The following RPH3AL variants were observed in gnomAD, a reference collection of about 807,000 sequenced individuals.
The protein encoded by RPH3AL is rab effector Noc2.
In RPH3AL, 38 loss-of-function variants were observed where a neutral mutation model predicts 43.1. That is an observed-to-expected ratio of 0.88 (90% CI 0.68 to 1.15). The LOEUF (loss-of-function observed/expected upper bound fraction) is 1.15. RPH3AL is among the 50% of genes most tolerant of loss of function. The pLI, the probability that RPH3AL is intolerant of heterozygous loss-of-function variation, is 0.00. For missense variants in RPH3AL, 462 were observed against 423.2 expected, an observed-to-expected ratio of 1.09 and a Z score of -0.81; for synonymous variants, 189 against 176.3, an observed-to-expected ratio of 1.07 and a Z score of -0.57.
chr17:216,308 C>T (rs1028582971), intron 8 of RPH3AL, among the ~76,000 whole-genome samples: 1 of 152,188 alleles, frequency 6.6e-6, no homozygotes, highest in African/African-American at 2.4e-5. Context: ...GGTCCAAGAA[C>T]GGGCCTGCAG....
chr17:284,778 G>C (rs1235429582), intron 5 of RPH3AL, among the ~76,000 whole-genome samples: 1 of 152,190 alleles, frequency 6.6e-6, no homozygotes, highest in Admixed American at 6.5e-5. Flanking sequence ...AAATACCATA[G>C]ACTGAGTGGC....
At chr17:311,446 T>C (rs2043644386) in intron 5 of RPH3AL, among the ~76,000 whole-genome samples, 1 of 152,042 alleles carries the variant, frequency 6.6e-6, no homozygotes. Context: ...CTGCCCAGCC[T>C]CCAGGGGCCC....
intron 5 of RPH3AL, among the ~76,000 whole-genome samples, chr17:311,758 G>C (rs1407511426): frequency 2.0e-5 from 3 of 152,164 alleles, no homozygotes; most frequent in African/African-American, 7.2e-5. Context: ...GAGCTACAAA[G>C]GCTTCCAGAG....
chr17:275,884 A>G (rs551570101), intron 6 of RPH3AL, among the ~76,000 whole-genome samples: 34 of 152,310 alleles, frequency 2.2e-4, no homozygotes, highest in African/African-American at 7.5e-4. Flanking sequence ...TTGAACACAC[A>G]TCACAGTTTA....
chr17:286,050 T>A (rs1304319159), intron 5 of RPH3AL, among the ~76,000 whole-genome samples: 1 of 152,034 alleles, frequency 6.6e-6, no homozygotes, highest in Non-Finnish European at 1.5e-5. Context: ...CCGCCACTGC[T>A]GGGGGGGTGC....
At chr17:317,011 T>A (rs1433009910) in intron 5 of RPH3AL, among the ~76,000 whole-genome samples, 6 of 149,554 alleles carry the variant, frequency 4.0e-5, no homozygotes, top group African/African-American at 1.5e-4. Flanking sequence ...TCCATTGACC[T>A]GTAGTCTCTG....
At chr17:351,766 GA>G (rs2045357920) in intron 1 of RPH3AL, among the ~76,000 whole-genome samples, 1 of 151,912 alleles carries the variant, frequency 6.6e-6, no homozygotes, top group African/African-American at 2.4e-5. Context: ...ACCATAAATA[GA>G]AAAACCATGC....
chr17:324,314 G>A (rs537445966), intron 3 of RPH3AL, among the ~76,000 whole-genome samples: 6 of 152,260 alleles, frequency 3.9e-5, no homozygotes, highest in East Asian at 1.9e-4. Context: ...AGTCATCCAC[G>A]TCCTCTCATC....
intron 7 of RPH3AL, among the ~76,000 whole-genome samples, chr17:230,324 C>T (rs1354424479): frequency 1.5e-4 from 23 of 152,220 alleles, no homozygotes; most frequent in South Asian, 8.3e-4. Context: ...TCCCTGCACT[C>T]GCTTGAGGAG....
chr17:332,023 G>A (rs549569969), intron 2 of RPH3AL: 1 of 484,776 alleles, frequency 2.1e-6, no homozygotes, highest in East Asian at 7.0e-5. Context: ...TGTGGACAGG[G>A]CTGGTGGAGC....
At chr17:281,670 CCAG>C in intron 6 of RPH3AL, 95 bp downstream of exon 6, 1 of 596,342 alleles carries the variant, frequency 1.7e-6, no homozygotes, top group Non-Finnish European at 3.1e-6. Context: ...TCCAGCCCGC[CCAG>C]CCCTCCCCAC....
intron 5 of RPH3AL, among the ~76,000 whole-genome samples, chr17:311,354 C>A (rs1489238816): frequency 6.6e-6 from 1 of 152,238 alleles, no homozygotes; most frequent in Non-Finnish European, 1.5e-5. Context: ...ACTTGCCCAG[C>A]CCGTTTCCAG....
In RPH3AL at chr17:245,527, T is replaced by A. The variant is rs1230409431; in HGVS notation, c.613+1584A>T. On this transcript the variant is annotated intron_variant, in intron 7 of 9. Transcript: ENST00000331302. The surrounding 1 kb of genome is among the most constrained non-coding windows in gnomAD (Gnocchi z 5.9). ...GAGCAGACGGGGCAGTGGCAGCTCT[T>A]GAAGTGGGGCATAGGCCACAGCTGC... Among the ~76,000 whole-genome samples the A allele has an allele frequency of 6.6e-6, 1 of 152,036 alleles. No individual in the cohort carries two copies. The highest frequency in any genetic ancestry group is 1.5e-5 in the Non-Finnish European group (1 of 67,998).
At chr17:292,261 TGCCCCAGTGG>T (rs1404044037) in intron 5 of RPH3AL, among the ~76,000 whole-genome samples, 1 of 152,250 alleles carries the variant, frequency 6.6e-6, no homozygotes, top group Non-Finnish European at 1.5e-5. Context: ...AAGCATCACC[TGCCCCAGTGG>T]GCCAGCAGCG....
intron 5 of RPH3AL, among the ~76,000 whole-genome samples, chr17:316,135 G>A: frequency 6.8e-6 from 1 of 146,402 alleles, no homozygotes; most frequent in African/African-American, 2.5e-5. Context: ...TTGACCTGCA[G>A]TCCCTGTGCT....
At position 303,177 on chromosome 17, in the gene RPH3AL, C is replaced by T. The variant is rs74554997; in HGVS notation, c.351+16243G>A. On this transcript the variant is annotated intron_variant, in intron 5 of 9. Transcript: ENST00000331302. ...AGTTTCAGAGGCTGAGCAGGAGGAT[C>T]GCCTGAGGAGTCTGAGGCAGCCTGG... Among the ~76,000 whole-genome samples the T allele has an allele frequency of 3.3e-4, 50 of 152,226 alleles. No individual in the cohort carries two copies. The East Asian group carries it at 6.8e-3, about 21-fold the overall frequency.
At chr17:346,624 T>G (rs111237479) in intron 1 of RPH3AL, among the ~76,000 whole-genome samples, 2 of 134,908 alleles carry the variant, frequency 1.5e-5, no homozygotes, top group African/African-American at 5.1e-5. Context: ...AAGATGAGAT[T>G]TGGGTGGGGA....
At position 264,077 on chromosome 17, in the gene RPH3AL, C is replaced by T. The variant is rs558901790; in HGVS notation, c.439-16792G>A. 3.3e-5 allele frequency among the ~76,000 whole-genome samples: 5 copies of T among 152,198 alleles called. No homozygotes were observed. The highest frequency in any genetic ancestry group is 6.5e-5 in the Admixed American group (1 of 15,272). On this transcript the variant is annotated intron_variant, in intron 6 of 9. Coordinates refer to ENST00000331302, the MANE Select transcript of RPH3AL (RefSeq NM_006987.4). This position sits in a 1 kb window ranked among gnomAD's most constrained non-coding sequence, Gnocchi z 4.8. Reference sequence around the variant, plus strand: ...GATTTCAAAGCCACGATTTTGGCCGCGTGCGACAAGCCGGACTCTCCAAGA... The same window carrying T: ...GATTTCAAAGCCACGATTTTGGCCGTGTGCGACAAGCCGGACTCTCCAAGA...
Position 213,299 on chromosome 17 carries a change from T to G in RPH3AL, c.*553A>C. On this transcript the variant is annotated 3_prime_UTR_variant, in exon 10 of 10. Coordinates refer to ENST00000331302, the MANE Select transcript of RPH3AL (RefSeq NM_006987.4). ...ACCAAAGAAACTAAACAGACCCAGG[T>G]TTCACCCACGGTCCTGGGCCAGCCC... is the stretch of plus-strand genomic sequence containing the variant. The G allele has an allele frequency of 6.3e-6, 1 of 159,224 alleles. No homozygotes were observed. Among genetic ancestry groups the G allele is most frequent in the South Asian group, 1.8e-4 (1 of 5,668 alleles). 9.9% of individuals were successfully genotyped at this position (159,224 alleles called of 1,614,324 possible). A position where few individuals can be genotyped will look rare whatever the true frequency, so the allele number is the denominator to read the frequency against.
Sources: gnomAD v4.1 joint callset for allele counts (sites outside exome capture counted in the v4.1 genomes callset) on GRCh38, gnomAD v4.1.1 for gene constraint, Gnocchi (gnomAD v3.1) non-coding constraint, MANE v1.5 for transcripts, NCBI Gene and HGNC (gene_info 2026-07-23, HGNC 2026-07-21) for gene names.